The following DOP1B variants were observed in gnomAD, a reference collection of about 807,000 sequenced individuals.
DOP1B encodes protein DOP1B.
A neutral mutation model predicts 233.5 loss-of-function variants in DOP1B; 174 were observed. The observed-to-expected ratio is 0.75, with a 90% CI of 0.66 to 0.85. The LOEUF (loss-of-function observed/expected upper bound fraction) is 0.85. Ranked by LOEUF, DOP1B falls within the 40% of genes least tolerant of loss-of-function variation. The pLI is 0.00. For missense variants in DOP1B, 2,652 were observed against 2,846.6 expected (o/e 0.93, Z 1.56); for synonymous variants, 1,190 against 1,185.6 (o/e 1.00, Z -0.08).
At position 36,209,214 on chromosome 21, in the gene DOP1B, C is replaced by T. The variant is rs531880106; in HGVS notation, c.681+310C>T. Among the ~76,000 whole-genome samples, 81 of 152,284 alleles carry T rather than the reference C, an allele frequency of 5.3e-4. 1 individual carries two copies. Among genetic ancestry groups the T allele is most frequent in the African/African-American group, 1.8e-3 (76 of 41,558 alleles). On this transcript the variant is annotated intron_variant, in intron 5 of 36. Coordinates refer to ENST00000691173, the MANE Select transcript of DOP1B (RefSeq NM_001320714.2). ...TCGACTCACTGCAAGCTTCGCCTCC[C>T]GGGTTCAAGCAATTCTCCTCTCTCA...
At position 36,293,649 on chromosome 21, in the gene DOP1B, G is replaced by C; in HGVS notation, c.*78G>C. 1 of 1,487,188 alleles carries C rather than the reference G, an allele frequency of 6.7e-7. No individual in the cohort carries two copies. Among genetic ancestry groups the C allele is most frequent in the South Asian group, 1.2e-5 (1 of 80,824 alleles). 92.1% of individuals were successfully genotyped at this position (1,487,188 alleles called of 1,614,324 possible). A position where few individuals can be genotyped will look rare whatever the true frequency, so the allele number is the denominator to read the frequency against. On this transcript the variant is annotated 3_prime_UTR_variant, in exon 37 of 37. Coordinates refer to ENST00000691173, the MANE Select transcript of DOP1B (RefSeq NM_001320714.2). The stretch of plus-strand genomic sequence containing the variant: ...AGGTTATATTCTAAAGAAGAAAGAA[G>C]GCAGGATAGTGCTTTTGAACAAGCC...
intron 2 of DOP1B, among the ~76,000 whole-genome samples, chr21:36,172,115 A>T (rs1471190854): frequency 1.3e-5 from 2 of 152,104 alleles, no homozygotes; most frequent in Non-Finnish European, 2.9e-5. Flanking sequence ...AAGGCATGGG[A>T]AGGGGACAGG....
chr21:36,180,918 A>G (rs2066091787), intron 2 of DOP1B, among the ~76,000 whole-genome samples: 2 of 151,854 alleles, frequency 1.3e-5, no homozygotes, highest in South Asian at 2.1e-4. Flanking sequence ...TTATGTCCTT[A>G]AGAGTTCTTC....
intron 18 of DOP1B, among the ~76,000 whole-genome samples, chr21:36,241,675 A>ATT (rs1412598312): frequency 8.3e-6 from 1 of 120,404 alleles, no homozygotes; most frequent in Non-Finnish European, 1.7e-5. Context: ...TGCCTGGCTA[A>ATT]TTTTTTTTTC....
intron 24 of DOP1B, chr21:36,261,637 T>G: frequency 2.0e-6 from 2 of 984,882 alleles, no homozygotes; most frequent in South Asian, 9.4e-5. Context: ...CTGGGTGCGG[T>G]GGCTCAACGC....
chr21:36,206,010 C>G (rs1357964145), intron 4 of DOP1B, among the ~76,000 whole-genome samples: 1 of 147,834 alleles, frequency 6.8e-6, no homozygotes, highest in Non-Finnish European at 1.5e-5. Context: ...AACTCCGTCT[C>G]AAAAAAAAAA....
intron 1 of DOP1B, among the ~76,000 whole-genome samples, chr21:36,158,269 C>T (rs549993774): frequency 6.6e-6 from 1 of 152,266 alleles, no homozygotes; most frequent in South Asian, 2.1e-4. Flanking sequence ...TTCAATCTCT[C>T]ACAGGAGACA....
Position 36,166,484 on chromosome 21 carries a change from AGGTT to A in DOP1B, c.138+1616_138+1619del, listed in dbSNP as rs1374320964. Among the ~76,000 whole-genome samples, 3 of 152,098 alleles carry A rather than the reference AGGTT, an allele frequency of 2.0e-5. No homozygotes were observed. The East Asian group carries it at 5.8e-4, about 29-fold the overall frequency. On this transcript the variant is annotated intron_variant, in intron 2 of 36. Transcript: ENST00000691173. ...ACGAAACTGGTCCCTGGTGCCAAAA[AGGTT>A]GGGAACCACATCTCTATATAAGTGA...
chr21:36,195,024 G>A (rs1462177623), intron 2 of DOP1B, among the ~76,000 whole-genome samples: 4 of 151,852 alleles, frequency 2.6e-5, no homozygotes, highest in Non-Finnish European at 5.9e-5. Flanking sequence ...TGAGCAACAT[G>A]GCAAAATCCC....
intron 35 of DOP1B, among the ~76,000 whole-genome samples, chr21:36,291,381 AAACCCCGTCTCT>A: frequency 6.6e-6 from 1 of 152,154 alleles, no homozygotes; most frequent in Admixed American, 6.6e-5. Context: ...CAAGATGGTG[AAACCCCGTCTCT>A]ACTAAAAATA....
chr21:36,232,742 A>T, intron 14 of DOP1B, 62 bp from the exon 15 acceptor site: 1 of 1,599,106 alleles, frequency 6.3e-7, no homozygotes, highest in Non-Finnish European at 8.5e-7. Flanking sequence ...GAATCTGCAG[A>T]CTGGGGACCC....
rs1380122559 is a variant in DOP1B, at chr21:36,208,722, G to T, written c.499G>T (p.Ala167Ser). 1.2e-6 allele frequency: 2 copies of T among 1,613,174 alleles called. No individual in the cohort carries two copies. The change falls in exon 5 of 37, where the codon GCT becomes TCT. Residue 167 changes from alanine (A) to serine (S), a missense_variant. By Grantham distance (99) the Ala-to-Ser change is moderately conservative (BLOSUM62 1). This residue lies in a region of DOP1B where 2,617 missense variants were observed against 2,794.3 expected (regional missense o/e 0.94). Transcript: ENST00000691173. ...ATCCTCTCTCATCAACAGAACGGAT[G>T]CTCTGCTCCTGAGACTGTCGCTGGT... ...EGSEISDRTD[A>S]LLLRLSLVVG...
intron 23 of DOP1B, among the ~76,000 whole-genome samples, chr21:36,260,431 AGTAGGTGCACAGGGTGGGAGATCACT>A (rs1330193216): frequency 6.6e-6 from 1 of 152,160 alleles, no homozygotes. Context: ...TGGAATGTAA[AGTAGGTGCACAGGGTGGGAGATCACT>A]GTAGAAGTCT....
At chr21:36,198,760 T>G (rs1451497104) in intron 2 of DOP1B, among the ~76,000 whole-genome samples, 2 of 152,236 alleles carry the variant, frequency 1.3e-5, no homozygotes, top group Non-Finnish European at 2.9e-5. Flanking sequence ...AATCCATATC[T>G]TCTGAGTGAG....
intron 24 of DOP1B, among the ~76,000 whole-genome samples, chr21:36,262,657 G>A (rs771851295): frequency 1.3e-5 from 2 of 152,028 alleles, no homozygotes; most frequent in Non-Finnish European, 2.9e-5. Flanking sequence ...GGTGACCGAG[G>A]CAAGTGGATT....
chr21:36,238,781 G>T, intron 17 of DOP1B, 80 bp downstream of exon 17: 1 of 1,347,018 alleles, frequency 7.4e-7, no homozygotes, highest in Non-Finnish European at 1.1e-6. Flanking sequence ...GTGGGGCTGG[G>T]GAGGGAGAGG....
At chr21:36,198,909 G>A (rs2066324995) in intron 2 of DOP1B, among the ~76,000 whole-genome samples, 161 bp from the exon 3 acceptor site, 1 of 152,166 alleles carries the variant, frequency 6.6e-6, no homozygotes, top group South Asian at 2.1e-4. Flanking sequence ...GAGCTGCTGT[G>A]GACTCTCGCC....
Position 36,225,609 on chromosome 21 carries a change from C to T in DOP1B, c.1415C>T (p.Pro472Leu). The stretch of plus-strand genomic sequence containing the variant: ...AGCGTGAGGAACAGCGTCAGCCCTC[C>T]CCCCACGGTCTCGGAGCTCTGCGCC... The part of the protein sequence containing the change: ...RYSVRNSVSP[P>L]PTVSELCALL... Residue 472 changes from proline (P) to leucine (L), a missense_variant, in exon 12 of 37, where the codon CCC becomes CTC. Around this residue, in one of 3 missense-constraint regions of DOP1B, gnomAD observed 2,617 missense variants for 2,794.3 expected, o/e 0.94. Coordinates refer to ENST00000691173, the MANE Select transcript of DOP1B (RefSeq NM_001320714.2). The T allele has an allele frequency of 6.2e-7, 1 of 1,614,142 alleles. No individual in the cohort carries two copies. Among genetic ancestry groups the T allele is most frequent in the Non-Finnish European group, 8.5e-7 (1 of 1,180,030 alleles).
chr21:36,182,172 G>A (rs1281860468), intron 2 of DOP1B, among the ~76,000 whole-genome samples: 3 of 152,118 alleles, frequency 2.0e-5, no homozygotes, highest in Non-Finnish European at 4.4e-5. Flanking sequence ...GAAGGAGCCC[G>A]GAATTGGAGC....
Sources: allele counts gnomAD v4.1 joint callset (sites outside exome capture counted in the v4.1 genomes callset), GRCh38; gene constraint gnomAD v4.1.1; regional missense constraint gnomAD v4.1.1; transcripts MANE v1.5; gene names NCBI Gene and HGNC (gene_info 2026-07-23, HGNC 2026-07-21).